NPR3: variants seen among roughly 807,000 people sequenced by gnomAD.
The protein encoded by NPR3 is atrial natriuretic peptide receptor 3.
In NPR3, 34 loss-of-function variants were observed where a neutral mutation model predicts 54.5. That is an observed-to-expected ratio of 0.62 (90% CI 0.47 to 0.83). The LOEUF is 0.83. Among genes scored for constraint, NPR3 ranks in the 40% least tolerant of loss-of-function variants. The pLI is 0.00. For synonymous variants in NPR3, 289 were observed against 297.1 expected, an observed-to-expected ratio of 0.97 and a Z score of 0.28; for missense variants, 674 against 720.8, an observed-to-expected ratio of 0.94 and a Z score of 0.74.
chr5:32,786,327 C>T lies in NPR3; in HGVS notation c.1608C>T (p.Ser536=). The T allele has an allele frequency of 6.5e-7, 1 of 1,545,320 alleles. No homozygotes were observed. The highest frequency in any genetic ancestry group is 1.2e-5 in the South Asian group (1 of 84,446). ...HRELREDSIR[S]HFSVA is the part of the protein sequence containing the mutation. ...AATTACGGGAAGATTCCATCAGATC[C>T]CATTTTTCAGTAGCTTAAAGGAAGC... is the stretch of plus-strand genomic sequence containing the variant. The change falls in exon 8 of 8, where the codon TCC becomes TCT. Residue 536 remains serine, a synonymous_variant. Transcript: ENST00000265074.
chr5:32,774,261 G>A (rs541395552), intron 3 of NPR3, among the ~76,000 whole-genome samples: 1 of 152,344 alleles, frequency 6.6e-6, no homozygotes, highest in African/African-American at 2.4e-5. Flanking sequence ...CTAAATATAA[G>A]TGAATGGATC....
Position 32,780,702 on chromosome 5 carries a change from C to T in NPR3, c.1196-20C>T, listed in dbSNP as rs545374196. On this transcript the variant is annotated intron_variant, in intron 4 of 7. Transcript: ENST00000265074. Reference sequence around the variant, plus strand: ...TATTTTAAGTAACCAACGTTGAGTTCTTCGCTTCTGGTCCTGTAGGTATCG... The same window carrying T: ...TATTTTAAGTAACCAACGTTGAGTTTTTCGCTTCTGGTCCTGTAGGTATCG... The T allele has an allele frequency of 9.7e-5, 111 of 1,145,020 alleles. No homozygotes were observed. The South Asian group carries it at 1.3e-3, about 14-fold the overall frequency. 70.9% of individuals were successfully genotyped at this position (1,145,020 alleles called of 1,614,324 possible). A position where few individuals can be genotyped will look rare whatever the true frequency, so the allele number is the denominator to read the frequency against.
chr5:32,701,741 C>G (rs979784319), intron 1 of NPR3, among the ~76,000 whole-genome samples: 2 of 152,172 alleles, frequency 1.3e-5, no homozygotes, highest in Non-Finnish European at 2.9e-5. Flanking sequence ...AGGCGGCATC[C>G]CAAGCTCAGT....
chr5:32,753,792 A>G (rs2111989209), intron 3 of NPR3, among the ~76,000 whole-genome samples: 1 of 152,318 alleles, frequency 6.6e-6, no homozygotes, highest in South Asian at 2.1e-4. Context: ...TGTCAGTCAC[A>G]GGAGATGAGA....
chr5:32,712,029 G>C lies in NPR3; in HGVS notation c.253G>C (p.Gly85Arg). 1.2e-6 allele frequency: 2 copies of C among 1,613,766 alleles called. No individual in the cohort carries two copies. Among genetic ancestry groups the C allele is most frequent in the Non-Finnish European group, 1.7e-6 (2 of 1,179,756 alleles). Residue 85 changes from glycine to arginine, a missense_variant, in exon 1 of 8, where the codon GGC becomes CGC. Coordinates refer to ENST00000265074, the MANE Select transcript of NPR3 (RefSeq NM_001204375.2). ...CGAGTATGCTCTGCGCAGCGTGGAGGGCAACGGGACTGGGAGGCGGCTTCT... is the reference window on the plus strand; with the variant it reads ...CGAGTATGCTCTGCGCAGCGTGGAGCGCAACGGGACTGGGAGGCGGCTTCT... Reference protein sequence around the residue: ...AIEYALRSVEGNGTGRRLLPP... With the variant: ...AIEYALRSVERNGTGRRLLPP...
intron 6 of NPR3, among the ~76,000 whole-genome samples, chr5:32,783,812 T>G (rs991575448): frequency 1.3e-5 from 2 of 152,210 alleles, no homozygotes; most frequent in African/African-American, 4.8e-5. Flanking sequence ...TTCCTTCAGC[T>G]TTTTAAGCCT....
chr5:32,741,433 C>T (rs1740033096), intron 3 of NPR3, among the ~76,000 whole-genome samples: 1 of 152,142 alleles, frequency 6.6e-6, no homozygotes, highest in Admixed American at 6.5e-5. Context: ...AAAAAGTTGG[C>T]ATCCCACTAC....
upstream of NPR3, among the ~76,000 whole-genome samples, chr5:32,706,639 T>C (rs989495500): frequency 5.3e-5 from 8 of 152,238 alleles, no homozygotes; most frequent in African/African-American, 1.7e-4. Context: ...ACAATATTCC[T>C]GCTCATTTCT....
chr5:32,708,015 AAC>A (rs1296980259), upstream of NPR3, among the ~76,000 whole-genome samples: 19 of 131,598 alleles, frequency 1.4e-4, no homozygotes, highest in African/African-American at 5.9e-4. Flanking sequence ...AAAAAAAAAA[AAC>A]AACCCAAACA....
intron 2 of NPR3, among the ~76,000 whole-genome samples, chr5:32,738,170 G>T (rs1739847713): frequency 6.6e-6 from 1 of 151,986 alleles, no homozygotes; most frequent in Non-Finnish European, 1.5e-5. Context: ...TAAGTTCTGG[G>T]ATATATGTAC....
intron 7 of NPR3, among the ~76,000 whole-genome samples, chr5:32,785,315 A>G (rs1314842291): frequency 6.6e-6 from 1 of 151,850 alleles, no homozygotes; most frequent in Non-Finnish European, 1.5e-5. Flanking sequence ...ATGGCTGGCT[A>G]ATTTTTTGTA....
At chr5:32,758,857 A>G (rs1011554804) in intron 3 of NPR3, among the ~76,000 whole-genome samples, 12 of 152,182 alleles carry the variant, frequency 7.9e-5, no homozygotes, top group African/African-American at 2.9e-4. Context: ...TCATTTCGTT[A>G]TGTACCCAGT....
At chr5:32,784,966 TC>T in intron 7 of NPR3, 83 bp downstream of exon 7, 2 of 1,112,038 alleles carry the variant, frequency 1.8e-6, no homozygotes, top group Non-Finnish European at 2.7e-6. Flanking sequence ...TTGTGATTTG[TC>T]CACATCCCTC....
At chr5:32,707,147 C>T (rs188419097), upstream of NPR3, among the ~76,000 whole-genome samples, 9 of 152,098 alleles carry the variant, frequency 5.9e-5, no homozygotes, top group African/African-American at 1.7e-4. Context: ...GTCACTTTGC[C>T]TCAGAACATC....
chr5:32,693,783 C>T (rs58529247), intron 1 of NPR3, among the ~76,000 whole-genome samples: 51,963 of 151,968 alleles, frequency 0.34, 9,186 homozygotes, highest in Middle Eastern at 0.46. Flanking sequence ...AGCATTAAGC[C>T]CTGGGCCGGA....
At chr5:32,694,512 C>T (rs1345371972) in intron 1 of NPR3, among the ~76,000 whole-genome samples, 1 of 152,164 alleles carries the variant, frequency 6.6e-6, no homozygotes, top group Non-Finnish European at 1.5e-5. Flanking sequence ...TATTGCTACA[C>T]CAGGATGATA....
intron 4 of NPR3, among the ~76,000 whole-genome samples, chr5:32,779,532 G>T (rs1742231032): frequency 6.6e-6 from 1 of 152,136 alleles, no homozygotes; most frequent in Non-Finnish European, 1.5e-5. Flanking sequence ...GTCCACATGG[G>T]CCATCTTCCC....
At chr5:32,715,943 G>A (rs1738523728) in intron 1 of NPR3, among the ~76,000 whole-genome samples, 1 of 152,150 alleles carries the variant, frequency 6.6e-6, no homozygotes, top group Non-Finnish European at 1.5e-5. Context: ...TTTATTTTTA[G>A]AATTAGTCTG....
At chr5:32,776,200 T>C (rs1024594381) in intron 4 of NPR3, among the ~76,000 whole-genome samples, 10 of 152,258 alleles carry the variant, frequency 6.6e-5, no homozygotes, top group African/African-American at 2.2e-4. Flanking sequence ...TTTTTACTTG[T>C]ATGTCAAGTT....
Sources: gnomAD v4.1 joint callset for allele counts (sites outside exome capture counted in the v4.1 genomes callset) on GRCh38, gnomAD v4.1.1 for gene constraint, MANE v1.5 for transcripts, NCBI Gene and HGNC (gene_info 2026-07-23, HGNC 2026-07-21) for gene names.